PHF24: variants seen among roughly 807,000 people sequenced by gnomAD.
PHF24 encodes the protein Galpha inhibitory interacting protein.
In PHF24, 25 loss-of-function variants were observed where a neutral mutation model predicts 42.6. That is an observed-to-expected ratio of 0.59 (90% CI 0.43 to 0.82). PHF24 has a LOEUF of 0.82. Among genes scored for constraint, PHF24 ranks in the 40% least tolerant of loss-of-function variants. PHF24 has a pLI of 0.00. For missense variants in PHF24, 470 were observed against 538.1 expected (o/e 0.87, Z 1.25); for synonymous variants, 185 against 204.8 (o/e 0.90, Z 0.83).
chr9:34,789,738 A>G, the PHF24 span, among the ~76,000 whole-genome samples: 1 of 152,254 alleles, frequency 6.6e-6, no homozygotes, highest in Non-Finnish European at 1.5e-5. Context: ...AAACTCTCTA[A>G]AAGAAAATAT....
the PHF24 span, among the ~76,000 whole-genome samples, chr9:34,766,338 C>A: frequency 6.6e-6 from 1 of 152,218 alleles, no homozygotes; most frequent in Non-Finnish European, 1.5e-5. Context: ...TCAGGTACAC[C>A]AATCAGACAT....
At chr9:34,961,786 T>C (rs535960807) in intron 1 of PHF24, among the ~76,000 whole-genome samples, 1 of 152,350 alleles carries the variant, frequency 6.6e-6, no homozygotes. Flanking sequence ...TTCCTTATGA[T>C]AGTAATGACA....
At chr9:34,843,686 A>G in the PHF24 span, among the ~76,000 whole-genome samples, 10 of 152,310 alleles carry the variant, frequency 6.6e-5, no homozygotes, top group African/African-American at 2.4e-4. Flanking sequence ...GATTCAAAAT[A>G]ACATACATTT....
At chr9:34,672,541 A>G in the PHF24 span, among the ~76,000 whole-genome samples, 1 of 152,142 alleles carries the variant, frequency 6.6e-6, no homozygotes, top group Non-Finnish European at 1.5e-5. Context: ...TTGAGGGGAC[A>G]TACCTGGTGA....
the PHF24 span, chr9:34,726,490 G>A: frequency 6.4e-7 from 1 of 1,551,650 alleles, no homozygotes; most frequent in South Asian, 1.2e-5. Flanking sequence ...AGTGATGCTG[G>A]CCTTGGTTTC....
chr9:34,915,917 C>A, the PHF24 span, among the ~76,000 whole-genome samples: 7 of 152,098 alleles, frequency 4.6e-5, no homozygotes, highest in East Asian at 1.4e-3. Flanking sequence ...GGTCCCCCCC[C>A]ACACCACCCC....
At chr9:34,795,746 CA>C in the PHF24 span, among the ~76,000 whole-genome samples, 1 of 152,120 alleles carries the variant, frequency 6.6e-6, no homozygotes, top group African/African-American at 2.4e-5. Flanking sequence ...CCTGTAATCC[CA>C]GCACTTTGGG....
the PHF24 span, among the ~76,000 whole-genome samples, chr9:34,951,219 C>T: frequency 6.6e-6 from 1 of 152,100 alleles, no homozygotes; most frequent in Non-Finnish European, 1.5e-5. Context: ...TTTGGCTGGC[C>T]TGTATTCTCA....
chr9:34,903,127 T>C, the PHF24 span, among the ~76,000 whole-genome samples: 1 of 152,146 alleles, frequency 6.6e-6, no homozygotes, highest in Admixed American at 6.5e-5. Flanking sequence ...AACTAGCCCA[T>C]CACAGCAACT....
chr9:34,950,381 A>T, the PHF24 span, among the ~76,000 whole-genome samples: 1 of 151,374 alleles, frequency 6.6e-6, no homozygotes, highest in East Asian at 1.9e-4. Flanking sequence ...AATTGAAATC[A>T]TACAGAGTAT....
chr9:34,971,496 G>A (rs781459298), exon 2 of PHF24: 4 of 1,614,056 alleles, frequency 2.5e-6, no homozygotes, highest in African/African-American at 2.7e-5. Context: ...CAGGAACCTC[G>A]GTGGTCCAGG....
chr9:34,713,151 A>G, the PHF24 span, among the ~76,000 whole-genome samples: 13 of 152,160 alleles, frequency 8.5e-5, no homozygotes, highest in Non-Finnish European at 1.8e-4. Context: ...CAAAGTGTGT[A>G]TTCTTTGTTT....
chr9:34,777,042 C>G, the PHF24 span, among the ~76,000 whole-genome samples: 1 of 152,170 alleles, frequency 6.6e-6, no homozygotes, highest in Non-Finnish European at 1.5e-5. Flanking sequence ...TTAGAGGAGG[C>G]AGTGAAGATT....
the PHF24 span, among the ~76,000 whole-genome samples, chr9:34,938,334 A>G: frequency 6.6e-6 from 1 of 152,298 alleles, no homozygotes; most frequent in South Asian, 2.1e-4. Context: ...GGCCCACCCC[A>G]GGAATACAAA....
At chr9:34,828,994 G>T in the PHF24 span, among the ~76,000 whole-genome samples, 3 of 142,710 alleles carry the variant, frequency 2.1e-5, no homozygotes, top group Non-Finnish European at 4.7e-5. Context: ...GGACTATCAG[G>T]CTTCTGTGTT....
At chr9:34,708,805 T>G in the PHF24 span, among the ~76,000 whole-genome samples, 1 of 152,210 alleles carries the variant, frequency 6.6e-6, no homozygotes, top group African/African-American at 2.4e-5. Flanking sequence ...ATTGGCAGGA[T>G]GCCTCAGAAG....
At chr9:34,917,428 G>GT in the PHF24 span, 1 of 768,518 alleles carries the variant, frequency 1.3e-6, no homozygotes, top group Non-Finnish European at 2.4e-6. Context: ...CTGCTGCTAT[G>GT]TTTAAGGACC....
At chr9:34,883,558 A>G in the PHF24 span, among the ~76,000 whole-genome samples, 1 of 152,256 alleles carries the variant, frequency 6.6e-6, no homozygotes, top group African/African-American at 2.4e-5. Flanking sequence ...GGTGAAGGAT[A>G]TGAACAGACA....
At chr9:34,891,080 G>C in the PHF24 span, among the ~76,000 whole-genome samples, 4 of 152,158 alleles carry the variant, frequency 2.6e-5, no homozygotes, top group Non-Finnish European at 5.9e-5. Flanking sequence ...CCTGACAGAA[G>C]GGCCAAAACT....
Sources: allele counts gnomAD v4.1 joint callset (sites outside exome capture counted in the v4.1 genomes callset), GRCh38; gene constraint gnomAD v4.1.1; transcripts MANE v1.5; gene names NCBI Gene and HGNC (gene_info 2026-07-23, HGNC 2026-07-21).